Variants in SLC39A11 observed in about 807,000 individuals in gnomAD.
The protein encoded by SLC39A11 is solute carrier family 39 member 11, also known as zinc transporter ZIP11.
SLC39A11 carries 33 observed loss-of-function variants against 36.1 expected under a neutral mutation model. The ratio of observed to expected loss-of-function variants is 0.91; its 90% CI spans 0.69 to 1.22. The LOEUF (loss-of-function observed/expected upper bound fraction) is 1.22. SLC39A11 is among the 50% of genes most tolerant of loss of function. SLC39A11 has a pLI of 0.00. For synonymous variants in SLC39A11, 166 were observed against 170.3 expected (o/e 0.97, Z 0.20); for missense variants, 432 against 430.3 (o/e 1.00, Z -0.03).
chr17:72,843,537 T>C (rs1463194075), intron 6 of SLC39A11, among the ~76,000 whole-genome samples: 9 of 152,112 alleles, frequency 5.9e-5, no homozygotes, highest in South Asian at 2.1e-4. Flanking sequence ...GAGTGCCCTC[T>C]TTCCACCATG....
At chr17:73,010,874 C>T (rs2090470498) in intron 4 of SLC39A11, among the ~76,000 whole-genome samples, 1 of 152,212 alleles carries the variant, frequency 6.6e-6, no homozygotes, top group African/African-American at 2.4e-5. Context: ...ATGTGTAAAG[C>T]ACTTTCAACT....
chr17:73,041,458 G>C (rs188396596), intron 3 of SLC39A11, among the ~76,000 whole-genome samples: 17 of 152,130 alleles, frequency 1.1e-4, no homozygotes, highest in Non-Finnish European at 2.2e-4. Flanking sequence ...ATGGAAGCCT[G>C]GGTAAGAAGC....
chr17:72,745,866 A>C (rs1184236169), intron 6 of SLC39A11, among the ~76,000 whole-genome samples: 1 of 152,230 alleles, frequency 6.6e-6, no homozygotes, highest in Non-Finnish European at 1.5e-5. Flanking sequence ...GACCCTGTGG[A>C]GGATTAATGA....
intron 4 of SLC39A11, among the ~76,000 whole-genome samples, chr17:73,010,275 C>G (rs1385051922): frequency 1.3e-5 from 2 of 152,186 alleles, no homozygotes; most frequent in African/African-American, 4.8e-5. Flanking sequence ...CAGACCCTTT[C>G]TCCCTTTTCA....
At chr17:72,652,093 A>G (rs1215386809) in intron 7 of SLC39A11, among the ~76,000 whole-genome samples, 1 of 152,240 alleles carries the variant, frequency 6.6e-6, no homozygotes, top group Non-Finnish European at 1.5e-5. Context: ...CAACTCTGAC[A>G]TTGCAGGTGC....
At chr17:72,722,572 G>T (rs1331123348) in intron 7 of SLC39A11, among the ~76,000 whole-genome samples, 1 of 152,158 alleles carries the variant, frequency 6.6e-6, no homozygotes, top group Non-Finnish European at 1.5e-5. Flanking sequence ...TTGGAAGACA[G>T]AAAGGACTTT....
chr17:72,928,823 T>C (rs2147381681), intron 5 of SLC39A11, among the ~76,000 whole-genome samples: 1 of 152,330 alleles, frequency 6.6e-6, no homozygotes, highest in East Asian at 1.9e-4. Flanking sequence ...CAAGGATCTT[T>C]GGACCCTGAC....
intron 5 of SLC39A11, among the ~76,000 whole-genome samples, chr17:72,911,903 C>G (rs1480302816): frequency 6.6e-6 from 1 of 152,260 alleles, no homozygotes; most frequent in Non-Finnish European, 1.5e-5. Flanking sequence ...CTTGGCCTCC[C>G]GAAGTGCTGG....
rs149297128 is a variant in SLC39A11 at position 73,086,336 on chromosome 17, C to G, written c.109-1490G>C. 7.7e-3 allele frequency among the ~76,000 whole-genome samples: 1,165 copies of G among 150,676 alleles called. 14 individuals carry two copies. The highest frequency in any genetic ancestry group is 0.026 in the African/African-American group (1,054 of 41,068). Reference sequence around the variant, plus strand: ...TCCATAAGCATCTTCTATTTCAATACAGATTTTTTTTTTTTTGCTATCTAT... The same window carrying G: ...TCCATAAGCATCTTCTATTTCAATAGAGATTTTTTTTTTTTTGCTATCTAT... On this transcript the variant is annotated intron_variant, in intron 2 of 9. Coordinates refer to ENST00000255559, the MANE Select transcript of SLC39A11 (RefSeq NM_139177.4).
At chr17:73,065,476 C>G (rs1246794604) in intron 3 of SLC39A11, among the ~76,000 whole-genome samples, 2 of 152,116 alleles carry the variant, frequency 1.3e-5, no homozygotes, top group African/African-American at 2.4e-5. Flanking sequence ...CATGCTGAAG[C>G]TTAGAATATA....
At chr17:73,091,418 C>T (rs893922385) in intron 1 of SLC39A11, among the ~76,000 whole-genome samples, 2 of 151,556 alleles carry the variant, frequency 1.3e-5, no homozygotes, top group East Asian at 1.9e-4. Flanking sequence ...CACTCCAGTC[C>T]GGGTGACAGA....
intron 4 of SLC39A11, among the ~76,000 whole-genome samples, chr17:72,963,188 T>TTG (rs2086737189): frequency 6.8e-6 from 1 of 147,154 alleles, no homozygotes; most frequent in African/African-American, 2.6e-5. Flanking sequence ...TTTTTTTTTT[T>TTG]GAGATGGAGT....
At chr17:72,998,111 G>A (rs984438509) in intron 4 of SLC39A11, among the ~76,000 whole-genome samples, 1 of 152,146 alleles carries the variant, frequency 6.6e-6, no homozygotes, top group Non-Finnish European at 1.5e-5. Context: ...TTAAATTTAC[G>A]AGTGGAAGAC....
chr17:72,906,874 A>G (rs1224993662), intron 5 of SLC39A11, among the ~76,000 whole-genome samples: 1 of 152,138 alleles, frequency 6.6e-6, no homozygotes, highest in African/African-American at 2.4e-5. Context: ...GAACATGGAG[A>G]CCACCCTTCA....
At chr17:72,761,330 G>A (rs2075570988) in intron 6 of SLC39A11, among the ~76,000 whole-genome samples, 1 of 152,054 alleles carries the variant, frequency 6.6e-6, no homozygotes, top group Admixed American at 6.6e-5. Context: ...GGCAAAGCTG[G>A]TCTCGAACTC....
At chr17:72,784,653 C>T (rs929527644) in intron 6 of SLC39A11, among the ~76,000 whole-genome samples, 16 of 151,866 alleles carry the variant, frequency 1.1e-4, no homozygotes, top group African/African-American at 3.1e-4. Context: ...TGAGTTCTCA[C>T]GAGAGCTGGT....
intron 7 of SLC39A11, among the ~76,000 whole-genome samples, chr17:72,664,677 C>T (rs2070647963): frequency 6.6e-6 from 1 of 152,238 alleles, no homozygotes; most frequent in Admixed American, 6.5e-5. Context: ...TATGCTGCTC[C>T]TGTGTTGAAG....
At chr17:72,894,528 G>T (rs2081934692) in intron 5 of SLC39A11, among the ~76,000 whole-genome samples, 1 of 150,706 alleles carries the variant, frequency 6.6e-6, no homozygotes, top group Admixed American at 6.6e-5. Flanking sequence ...AAATTAGCCG[G>T]GTGTGGTGGC....
At chr17:72,914,957 T>C (rs1190217237) in intron 5 of SLC39A11, among the ~76,000 whole-genome samples, 1 of 148,346 alleles carries the variant, frequency 6.7e-6, no homozygotes, top group Non-Finnish European at 1.5e-5. Context: ...AATCAAGTCA[T>C]TCCCCTGTTT....
Sources: allele counts gnomAD v4.1 joint callset (sites outside exome capture counted in the v4.1 genomes callset), GRCh38; gene constraint gnomAD v4.1.1; transcripts MANE v1.5; gene names NCBI Gene and HGNC (gene_info 2026-07-23, HGNC 2026-07-21).